The following WWOX variants were observed in gnomAD, a reference collection of about 807,000 sequenced individuals.
WWOX encodes the protein WW domain-containing oxidoreductase.
In WWOX, 69 loss-of-function variants were observed where a neutral mutation model predicts 46.2. That is an observed-to-expected ratio of 1.49 (90% confidence interval 1.23 to 1.82). The LOEUF is 1.82. Ranked by LOEUF, WWOX falls within the 40% of genes most tolerant of loss-of-function variation. The probability of loss-of-function intolerance (pLI) is 0.00; values close to 1 mark genes in which losing one functional copy is unlikely to be tolerated. For missense variants in WWOX, 919 were observed against 542.6 expected (o/e 1.69, Z -6.89); for synonymous variants, 359 against 202.6 (o/e 1.77, Z -6.56).
intron 6 of WWOX, among the ~76,000 whole-genome samples, chr16:78,416,750 T>A (rs569886758): frequency 6.6e-6 from 1 of 152,356 alleles, no homozygotes; most frequent in African/African-American, 2.4e-5. Context: ...AGGAATTTAA[T>A]TTTGTCTTGT....
chr16:79,075,719 C>G (rs1045210454), intron 8 of WWOX, among the ~76,000 whole-genome samples: 3 of 151,890 alleles, frequency 2.0e-5, no homozygotes, highest in Non-Finnish European at 4.4e-5. Flanking sequence ...CACCTGGCTA[C>G]TTTTTGTATT....
intron 8 of WWOX, among the ~76,000 whole-genome samples, chr16:78,991,703 C>G (rs959205553): frequency 6.6e-6 from 1 of 151,856 alleles, no homozygotes; most frequent in African/African-American, 2.4e-5. Context: ...CTATACAACG[C>G]AAGCCATAAG....
chr16:78,260,891 C>A lies in WWOX; in HGVS notation c.516+96602C>A, dbSNP rs866380513. On this transcript the variant is annotated intron_variant, in intron 5 of 8. Coordinates refer to ENST00000566780, the MANE Select transcript of WWOX (RefSeq NM_016373.4). ...GGTGGAGGTTGCAGTGAGCCGAGATCACACCACTGCACTCCAGCTTGGGAA... is the reference window on the plus strand; with the variant it reads ...GGTGGAGGTTGCAGTGAGCCGAGATAACACCACTGCACTCCAGCTTGGGAA... Among the ~76,000 whole-genome samples the A allele has an allele frequency of 3.9e-5, 5 of 129,148 alleles. No homozygotes were observed. In the South Asian group the frequency reaches 1.2e-3, roughly 32 times the overall value. 84.7% of individuals were successfully genotyped at this position (129,148 alleles called of 152,430 possible). A position where few individuals can be genotyped will look rare whatever the true frequency, so the allele number is the denominator to read the frequency against.
chr16:78,985,352 T>A (rs2046763713), intron 8 of WWOX, among the ~76,000 whole-genome samples: 1 of 152,176 alleles, frequency 6.6e-6, no homozygotes, highest in African/African-American at 2.4e-5. Flanking sequence ...TTGTGTTGTC[T>A]CCAATGTGCC....
intron 8 of WWOX, among the ~76,000 whole-genome samples, chr16:79,112,790 G>C (rs557969947): frequency 6.6e-6 from 1 of 152,082 alleles, no homozygotes; most frequent in Non-Finnish European, 1.5e-5. Flanking sequence ...TCGCCGCCTC[G>C]TTTTACAGAT....
intron 8 of WWOX, among the ~76,000 whole-genome samples, chr16:78,635,169 C>T (rs546453744): frequency 6.6e-6 from 1 of 152,280 alleles, no homozygotes; most frequent in East Asian, 1.9e-4. Context: ...TCAACATCTG[C>T]AGTCAAAGGC....
intron 8 of WWOX, among the ~76,000 whole-genome samples, chr16:78,454,258 A>T (rs756443685): frequency 2.4e-4 from 37 of 152,244 alleles, no homozygotes; most frequent in South Asian, 2.1e-4. Context: ...ACAGATCAAG[A>T]TGTTCTATGT....
Position 78,424,967 on chromosome 16 carries a change from G to A in WWOX, c.703G>A (p.Gly235Arg). The A allele has an allele frequency of 1.2e-6, 2 of 1,614,020 alleles. No homozygotes were observed. Among genetic ancestry groups the A allele is most frequent in the South Asian group, 2.2e-5 (2 of 91,066 alleles). Residue 235 changes from glycine to arginine, a missense_variant, in exon 7 of 9, where the codon GGG becomes AGG. Transcript: ENST00000566780. ...GACCACCTTTCAAGTGAATCATCTG[G>A]GGCACTTCTACCTTGTCCAGCTCCT... ...LETTFQVNHL[G>R]HFYLVQLLQD...
chr16:78,124,718 T>A (rs1390413517), intron 4 of WWOX, among the ~76,000 whole-genome samples: 2 of 152,176 alleles, frequency 1.3e-5, no homozygotes, highest in Non-Finnish European at 2.9e-5. Flanking sequence ...AAGGTTTAAA[T>A]CTAATTGTTT....
intron 8 of WWOX, among the ~76,000 whole-genome samples, chr16:78,904,790 T>A (rs1327729083): frequency 6.6e-6 from 1 of 152,234 alleles, no homozygotes; most frequent in African/African-American, 2.4e-5. Context: ...CTTTGCACCT[T>A]CTTTTTATCA....
intron 8 of WWOX, among the ~76,000 whole-genome samples, chr16:79,072,159 G>T (rs2048563220): frequency 6.6e-6 from 1 of 152,096 alleles, no homozygotes; most frequent in Non-Finnish European, 1.5e-5. Flanking sequence ...GGTAGAGTGT[G>T]CCTGTAGTCC....
At chr16:78,841,966 C>A (rs1310581220) in intron 8 of WWOX, among the ~76,000 whole-genome samples, 1 of 152,076 alleles carries the variant, frequency 6.6e-6, no homozygotes, top group Non-Finnish European at 1.5e-5. Context: ...ACGTGTGGGA[C>A]ACCCAGCTAT....
At chr16:79,179,221 G>T (rs188648156) in intron 8 of WWOX, among the ~76,000 whole-genome samples, 5 of 152,338 alleles carry the variant, frequency 3.3e-5, no homozygotes, top group African/African-American at 1.2e-4. Context: ...AAAACAACGT[G>T]TCTAAATGCC....
At position 78,752,477 on chromosome 16, in the gene WWOX, G is replaced by A. The variant is rs556856247; in HGVS notation, c.1056+319725G>A. Among the ~76,000 whole-genome samples the A allele has an allele frequency of 1.2e-4, 19 of 152,194 alleles. No homozygotes were observed. In the East Asian group the frequency reaches 2.7e-3, roughly 22 times the overall value. ...TAATTTTTGTATTTTTAGTAGACAC[G>A]GGATTTCGCCCTGTTGGCCAGGCTA... On this transcript the variant is annotated intron_variant, in intron 8 of 8. Transcript: ENST00000566780.
chr16:78,255,853 G>A (rs2038115249), intron 5 of WWOX, among the ~76,000 whole-genome samples: 1 of 152,136 alleles, frequency 6.6e-6, no homozygotes, highest in Non-Finnish European at 1.5e-5. Flanking sequence ...AAAGAAAGGA[G>A]TAAATCACGA....
intron 8 of WWOX, among the ~76,000 whole-genome samples, chr16:78,744,108 A>C (rs529908062): frequency 6.6e-6 from 1 of 152,292 alleles, no homozygotes; most frequent in East Asian, 1.9e-4. Flanking sequence ...ATTGGGGTAC[A>C]CCACAGCAGC....
At chr16:78,164,471 G>A (rs944056310) in intron 5 of WWOX, among the ~76,000 whole-genome samples, 182 bp downstream of exon 5, 6 of 152,154 alleles carry the variant, frequency 3.9e-5, no homozygotes, top group Non-Finnish European at 7.3e-5. Context: ...TATTATTCAC[G>A]CATTTGTTTG....
intron 8 of WWOX, 55 bp from the exon 9 acceptor site, chr16:79,211,553 A>G (rs1396615764): frequency 2.5e-6 from 4 of 1,580,012 alleles, no homozygotes; most frequent in Non-Finnish European, 3.5e-6. Flanking sequence ...AAATGACGCC[A>G]TCTCATCACT....
In WWOX at chr16:79,136,258, G is replaced by C. The variant is rs563867146; in HGVS notation, c.1057-75350G>C. 4.0e-5 allele frequency among the ~76,000 whole-genome samples: 6 copies of C among 150,552 alleles called. No individual in the cohort carries two copies. In the South Asian group the frequency reaches 1.3e-3, roughly 32 times the overall value. ...TCTTTTTTTTTTTTTTTAAGACGGA[G>C]TCTTGCTCTTTTGCCAGGCTGGAGT... is the stretch of plus-strand genomic sequence containing the variant. On this transcript the variant is annotated intron_variant, in intron 8 of 8. Transcript: ENST00000566780.
Sources: allele counts gnomAD v4.1 joint callset (sites outside exome capture counted in the v4.1 genomes callset), GRCh38; gene constraint gnomAD v4.1.1; transcripts MANE v1.5; gene names NCBI Gene and HGNC (gene_info 2026-07-23, HGNC 2026-07-21).